Variants in POU6F2 observed in about 807,000 individuals in gnomAD.
The protein encoded by POU6F2 is POU class 6 homeobox 2.
A neutral mutation model predicts 71.3 loss-of-function variants in POU6F2; 31 were observed. The observed-to-expected ratio is 0.43, with a 90% CI of 0.33 to 0.59. The LOEUF is 0.59. Ranked by LOEUF, POU6F2 falls within the 20% of genes least tolerant of loss-of-function variation. The pLI is 0.04. For synonymous variants in POU6F2, 347 were observed against 355.7 expected, an observed-to-expected ratio of 0.98 and a Z score of 0.27; for missense variants, 783 against 856.8, an observed-to-expected ratio of 0.91 and a Z score of 1.07.
At chr7:39,053,350 A>AGAAAGAGAAATAATTCT in intron 1 of POU6F2, among the ~76,000 whole-genome samples, 1 of 152,212 alleles carries the variant, frequency 6.6e-6, no homozygotes, top group South Asian at 2.1e-4. Flanking sequence ...CCAATAAGGT[A>AGAAAGAGAAATAATTCT]CTTTCTAAAA....
At chr7:39,229,406 C>T (rs1442992134) in intron 4 of POU6F2, among the ~76,000 whole-genome samples, 2 of 152,184 alleles carry the variant, frequency 1.3e-5, no homozygotes, top group African/African-American at 4.8e-5. Context: ...CTGTCTGGGC[C>T]ATTCTGCCTT....
chr7:39,259,694 A>G (rs561193505), intron 4 of POU6F2, among the ~76,000 whole-genome samples: 2 of 152,038 alleles, frequency 1.3e-5, no homozygotes, highest in Non-Finnish European at 2.9e-5. Context: ...AAAACTTTTT[A>G]TCTCAGCATC....
intron 1 of POU6F2, among the ~76,000 whole-genome samples, chr7:39,082,794 GCACACACACACACACACACACACA>G (rs35710081): frequency 2.2e-5 from 3 of 137,078 alleles, no homozygotes; most frequent in Non-Finnish European, 4.7e-5. Context: ...ACCATGTCAT[GCACACACACACACACACACACACA>G]CACACACACA....
intron 1 of POU6F2, among the ~76,000 whole-genome samples, chr7:38,983,541 C>A (rs1389528257): frequency 6.6e-6 from 1 of 152,046 alleles, no homozygotes; most frequent in African/African-American, 2.4e-5. Context: ...ACCAGTTTTG[C>A]TTTTTACACA....
intron 1 of POU6F2, among the ~76,000 whole-genome samples, chr7:38,992,145 C>T (rs1289247486): frequency 6.6e-6 from 1 of 152,282 alleles, no homozygotes; most frequent in Middle Eastern, 3.4e-3. Context: ...GGAATGACTG[C>T]TTCGTTACAA....
intron 2 of POU6F2, among the ~76,000 whole-genome samples, chr7:39,170,539 G>A (rs978321540): frequency 1.3e-5 from 2 of 152,054 alleles, no homozygotes; most frequent in African/African-American, 4.8e-5. Flanking sequence ...AGGAACAATA[G>A]AGATATAATA....
intron 7 of POU6F2, among the ~76,000 whole-genome samples, chr7:39,441,077 G>A (rs906133480): frequency 6.6e-6 from 1 of 152,068 alleles, no homozygotes; most frequent in Non-Finnish European, 1.5e-5. Context: ...TCCTTCTTCT[G>A]GGACCTCTGA....
chr7:39,213,373 A>G (rs1325345880), intron 4 of POU6F2, among the ~76,000 whole-genome samples: 1 of 152,202 alleles, frequency 6.6e-6, no homozygotes, highest in Non-Finnish European at 1.5e-5. Flanking sequence ...TGCAAGTTAC[A>G]TTATATTCCA....
chr7:39,162,776 C>T (rs866689520), intron 2 of POU6F2, among the ~76,000 whole-genome samples: 9 of 145,944 alleles, frequency 6.2e-5, no homozygotes, highest in African/African-American at 2.2e-4. Context: ...GGATAGTACT[C>T]AGTATTTCCC....
chr7:39,375,624 A>AT (rs72463292), intron 5 of POU6F2, among the ~76,000 whole-genome samples: 10,155 of 146,496 alleles, frequency 0.069, 481 homozygotes, highest in Admixed American at 0.15. Context: ...TTCCTCCTTG[A>AT]TTTTTTTTTT....
chr7:39,017,832 G>GTGTGTGTGTC (rs1554308542), intron 1 of POU6F2, among the ~76,000 whole-genome samples: 2 of 151,682 alleles, frequency 1.3e-5, no homozygotes, highest in African/African-American at 2.4e-5. Context: ...GTGTGTGTGT[G>GTGTGTGTGTC]TGTGTGTGTG....
intron 4 of POU6F2, among the ~76,000 whole-genome samples, chr7:39,285,817 C>T (rs1562776825): frequency 3.3e-5 from 5 of 152,232 alleles, no homozygotes; most frequent in Admixed American, 6.5e-5. Context: ...CATCTGTCAG[C>T]TCCTCTGCTT....
At chr7:39,458,283 A>G (rs950376229) in intron 8 of POU6F2, among the ~76,000 whole-genome samples, 12 of 152,166 alleles carry the variant, frequency 7.9e-5, no homozygotes, top group African/African-American at 2.9e-4. Flanking sequence ...GACATTACCA[A>G]GTGCAAATGT....
intron 4 of POU6F2, among the ~76,000 whole-genome samples, chr7:39,326,309 A>C (rs1195098159): frequency 1.3e-5 from 2 of 152,238 alleles, no homozygotes; most frequent in African/African-American, 4.8e-5. Context: ...AAGCACAAAG[A>C]ACCGTTATCC....
intron 1 of POU6F2, among the ~76,000 whole-genome samples, chr7:39,036,305 A>G (rs941444928): frequency 6.6e-6 from 1 of 152,120 alleles, no homozygotes; most frequent in Admixed American, 6.6e-5. Flanking sequence ...ACAGTCCCCA[A>G]ACAACTCAGA....
chr7:39,190,631 C>CTTTT (rs58654872), intron 2 of POU6F2, among the ~76,000 whole-genome samples: 13 of 74,226 alleles, frequency 1.8e-4, no homozygotes, highest in Non-Finnish European at 2.1e-4. Flanking sequence ...GAGTCAACTT[C>CTTTT]TTTTTTTTTT....
intron 1 of POU6F2, among the ~76,000 whole-genome samples, chr7:39,036,024 C>A (rs1444861404): frequency 6.6e-6 from 1 of 151,998 alleles, no homozygotes; most frequent in African/African-American, 2.4e-5. Flanking sequence ...TGGAAAAATG[C>A]CGCCCAAAGA....
chr7:39,314,713 C>T (rs1474544304), intron 4 of POU6F2, among the ~76,000 whole-genome samples: 4 of 151,932 alleles, frequency 2.6e-5, no homozygotes, highest in Admixed American at 2.0e-4. Flanking sequence ...TTGTTGGAAC[C>T]GAAATTAATC....
At chr7:39,129,788 G>T (rs572231000) in intron 2 of POU6F2, among the ~76,000 whole-genome samples, 1 of 151,990 alleles carries the variant, frequency 6.6e-6, no homozygotes, top group Non-Finnish European at 1.5e-5. Context: ...TTTCGGCCGG[G>T]CGCTGTGGCT....
Sources: gnomAD v4.1 joint callset for allele counts (sites outside exome capture counted in the v4.1 genomes callset) on GRCh38, gnomAD v4.1.1 for gene constraint, MANE v1.5 for transcripts, NCBI Gene and HGNC (gene_info 2026-07-23, HGNC 2026-07-21) for gene names.